The following NYAP2 variants were observed in gnomAD, a reference collection of about 807,000 sequenced individuals.
NYAP2 encodes neuronal tyrosine-phosphorylated phosphoinositide-3-kinase adapter 2.
A neutral mutation model predicts 50.4 loss-of-function variants in NYAP2; 23 were observed. The ratio of observed to expected loss-of-function variants is 0.46; its 90% CI spans 0.33 to 0.65. The LOEUF is 0.65. Among genes scored for constraint, NYAP2 ranks in the 30% least tolerant of loss-of-function variants. The pLI is 0.02. For missense variants in NYAP2, 885 were observed against 861.0 expected, an observed-to-expected ratio of 1.03 and a Z score of -0.35; for synonymous variants, 394 against 365.2, an observed-to-expected ratio of 1.08 and a Z score of -0.90.
Position 225,597,512 on chromosome 2 carries a change from A to AATATATAT in NYAP2, c.1618+14488_1618+14495dup. Among the ~76,000 whole-genome samples the AATATATAT allele has an allele frequency of 8.9e-3, 413 of 46,168 alleles. 103 individuals carry two copies. Among genetic ancestry groups the AATATATAT allele is most frequent in the Admixed American group, 0.013 (35 of 2,708 alleles). The allele number at this position is 46,168 out of a possible 152,430, so 30.3% of individuals were successfully genotyped here. ...ATGGCTAAATAGTATTCCAAGGAGA[A>AATATATAT]ATATATATATATATATATGTATCAC... On this transcript the variant is annotated intron_variant, in intron 5 of 6. Coordinates refer to ENST00000636099, the Ensembl canonical transcript of NYAP2.
intron 5 of NYAP2, among the ~76,000 whole-genome samples, chr2:225,621,953 T>G (rs145357131): frequency 6.6e-6 from 1 of 152,306 alleles, no homozygotes; most frequent in Non-Finnish European, 1.5e-5. Flanking sequence ...CGATGGACAC[T>G]TGGGTTGCTT....
intron 5 of NYAP2, among the ~76,000 whole-genome samples, chr2:225,618,597 T>G (rs1314704430): frequency 6.6e-6 from 1 of 152,224 alleles, no homozygotes; most frequent in Non-Finnish European, 1.5e-5. Context: ...CAAGAAGACC[T>G]GGCTAATCAG....
At chr2:225,405,918 T>C (rs2106117131) in intron 2 of NYAP2, among the ~76,000 whole-genome samples, 1 of 152,128 alleles carries the variant, frequency 6.6e-6, no homozygotes, top group East Asian at 1.9e-4. Context: ...ATAAACATTG[T>C]ACTCACCTTT....
chr2:225,600,910 T>A (rs1340607872), intron 5 of NYAP2, among the ~76,000 whole-genome samples: 1 of 152,202 alleles, frequency 6.6e-6, no homozygotes, highest in Non-Finnish European at 1.5e-5. Flanking sequence ...GGCGGAATAA[T>A]ATTCTGTTTT....
intron 5 of NYAP2, among the ~76,000 whole-genome samples, chr2:225,600,172 G>A (rs1283594675): frequency 6.6e-6 from 1 of 152,136 alleles, no homozygotes; most frequent in Non-Finnish European, 1.5e-5. Context: ...GTGCTGATTG[G>A]TTAGGTCGAA....
chr2:225,535,280 A>G (rs2106199705), intron 4 of NYAP2, among the ~76,000 whole-genome samples: 1 of 152,342 alleles, frequency 6.6e-6, no homozygotes, highest in East Asian at 1.9e-4. Flanking sequence ...GCCAGCCCAG[A>G]AGAAAATGTT....
the NYAP2 span, among the ~76,000 whole-genome samples, chr2:225,679,418 A>G: frequency 6.6e-6 from 1 of 152,034 alleles, no homozygotes; most frequent in Non-Finnish European, 1.5e-5. Context: ...ACCACCCAAC[A>G]GAATTTCAAA....
chr2:225,659,636 C>G, the NYAP2 span, among the ~76,000 whole-genome samples: 1 of 152,072 alleles, frequency 6.6e-6, no homozygotes, highest in East Asian at 1.9e-4. Context: ...TAGACAAAAA[C>G]CTGAGATAGA....
chr2:225,657,059 C>A (rs955006855), downstream of NYAP2, among the ~76,000 whole-genome samples: 1 of 150,700 alleles, frequency 6.6e-6, no homozygotes, highest in Non-Finnish European at 1.5e-5. Flanking sequence ...ACAAAGGGAG[C>A]CAGGAGAGTA....
At position 225,511,365 on chromosome 2, in the gene NYAP2, CACACACACAG is replaced by C. The variant is rs1263273550; in HGVS notation, c.222-2004_222-1995del. On this transcript the variant is annotated intron_variant, in intron 3 of 6. Coordinates refer to ENST00000636099, the Ensembl canonical transcript of NYAP2. ...ACACACACACACACACACACACACACACACACACAGAGAGAGAGAGAGAGAGAGGATAAAA... is the reference window on the plus strand; with the variant it reads ...ACACACACACACACACACACACACACAGAGAGAGAGAGAGAGAGGATAAAA... Among the ~76,000 whole-genome samples the C allele has an allele frequency of 6.3e-3, 895 of 141,466 alleles. 6 individuals carry two copies. The highest frequency in any genetic ancestry group is 0.023 in the African/African-American group (839 of 37,180). The allele number at this position is 141,466 out of a possible 152,430, so 92.8% of individuals were successfully genotyped here. A position where few individuals can be genotyped will look rare whatever the true frequency, so the allele number is the denominator to read the frequency against.
intron 3 of NYAP2, among the ~76,000 whole-genome samples, chr2:225,446,023 T>A (rs1025310852): frequency 6.6e-6 from 1 of 151,796 alleles, no homozygotes; most frequent in Non-Finnish European, 1.5e-5. Flanking sequence ...TTAGAAAGTG[T>A]ATGGAACTTT....
intron 5 of NYAP2, among the ~76,000 whole-genome samples, chr2:225,616,258 T>C (rs1692988176): frequency 6.6e-6 from 1 of 152,168 alleles, no homozygotes; most frequent in Non-Finnish European, 1.5e-5. Context: ...CCCTTGGATG[T>C]AAGAATTGAC....
At chr2:225,605,891 T>C (rs1285656132) in intron 5 of NYAP2, among the ~76,000 whole-genome samples, 1 of 152,102 alleles carries the variant, frequency 6.6e-6, no homozygotes, top group Non-Finnish European at 1.5e-5. Context: ...AATCACAAGA[T>C]CTAGCCAGTC....
intron 3 of NYAP2, among the ~76,000 whole-genome samples, chr2:225,443,536 A>G (rs1428089347): frequency 6.6e-6 from 1 of 152,156 alleles, no homozygotes; most frequent in Non-Finnish European, 1.5e-5. Context: ...ATCCACAAGC[A>G]TAGTACAAAA....
At chr2:225,573,250 CT>C (rs59186607) in intron 4 of NYAP2, among the ~76,000 whole-genome samples, 37,543 of 126,526 alleles carry the variant, frequency 0.3, 4,562 homozygotes, top group African/African-American at 0.39. Context: ...ATTATTATTT[CT>C]TTTTTTTTTT....
In NYAP2 at chr2:225,582,713, T is replaced by A; in HGVS notation, c.1296T>A (p.Ser432Arg). 2.5e-6 allele frequency: 4 copies of A among 1,608,316 alleles called. No homozygotes were observed. Among genetic ancestry groups the A allele is most frequent in the Non-Finnish European group, 3.4e-6 (4 of 1,176,586 alleles). Residue 432 changes from serine (S) to arginine (R), a missense_variant, in exon 5 of 7, where the codon AGT becomes AGA. Physicochemically the swap from Ser to Arg is moderately radical, Grantham distance 110. Transcript: ENST00000636099. This position sits in a 1 kb window ranked among gnomAD's most constrained non-coding sequence, Gnocchi z 7.0. The stretch of plus-strand genomic sequence containing the variant: ...AGTCTCCCCATGGCTACCCTAAAAG[T>A]CACTCCACCTCTCCCTCCCCCGTCA...
At chr2:225,409,047 C>T (rs774443602) in exon 3 of NYAP2, 1 of 1,611,630 alleles carries the variant, frequency 6.2e-7, no homozygotes, top group South Asian at 1.1e-5. Context: ...ACTAACCTAG[C>T]CTATTTGAAA....
intron 3 of NYAP2, among the ~76,000 whole-genome samples, chr2:225,468,865 A>T (rs1469240343): frequency 6.6e-6 from 1 of 152,172 alleles, no homozygotes; most frequent in African/African-American, 2.4e-5. Flanking sequence ...AATAGTTTGG[A>T]CTATTTATTT....
chr2:225,611,388 C>T (rs772121072), intron 5 of NYAP2, among the ~76,000 whole-genome samples: 9 of 152,086 alleles, frequency 5.9e-5, no homozygotes, highest in Non-Finnish European at 1.0e-4. Flanking sequence ...AAGGAGGCCC[C>T]GTATATCTGA....
Sources: allele counts gnomAD v4.1 joint callset (sites outside exome capture counted in the v4.1 genomes callset), GRCh38; gene constraint gnomAD v4.1.1; non-coding constraint Gnocchi (gnomAD v3.1); transcripts MANE v1.5; gene names NCBI Gene and HGNC (gene_info 2026-07-23, HGNC 2026-07-21).